The following LRRC63 variants were observed in gnomAD, a reference collection of about 807,000 sequenced individuals.
LRRC63 encodes the protein leucine-rich repeat-containing protein 63.
A neutral mutation model predicts 49.5 loss-of-function variants in LRRC63; 40 were observed. The observed-to-expected ratio is 0.81, with a 90% CI of 0.63 to 1.05. The LOEUF (loss-of-function observed/expected upper bound fraction) is 1.05. Among genes scored for constraint, LRRC63 ranks in the 50% least tolerant of loss-of-function variants. The pLI is 0.00. For missense variants in LRRC63, 636 were observed against 663.1 expected (o/e 0.96, Z 0.45); for synonymous variants, 191 against 221.1 (o/e 0.86, Z 1.21).
chr13:46,264,349 A>G (rs919386532), intron 8 of LRRC63, among the ~76,000 whole-genome samples: 5 of 152,148 alleles, frequency 3.3e-5, no homozygotes, highest in African/African-American at 4.8e-5. Flanking sequence ...TTTTCTTCCT[A>G]AAATGCCTAT....
intron 5 of LRRC63, among the ~76,000 whole-genome samples, chr13:46,245,734 A>G (rs529787362): frequency 2.0e-5 from 3 of 152,332 alleles, no homozygotes; most frequent in Admixed American, 2.0e-4. Flanking sequence ...GAAGTTTCAG[A>G]TAGATGCTAG....
At chr13:46,212,859 CTT>C in intron 1 of LRRC63, 141 bp from the exon 2 acceptor site, 2 of 501,444 alleles carry the variant, frequency 4.0e-6, no homozygotes, top group Non-Finnish European at 7.0e-6. Context: ...TTCTTACCCT[CTT>C]TTTTTTTCAT....
chr13:46,234,195 T>C (rs1340595265), exon 5 of LRRC63: 1 of 1,548,206 alleles, frequency 6.5e-7, no homozygotes, highest in Non-Finnish European at 8.7e-7. Context: ...TATTTAGGTC[T>C]CACCAAAACT....
chr13:46,215,383 A>G (rs2046219882), intron 2 of LRRC63, among the ~76,000 whole-genome samples: 1 of 151,922 alleles, frequency 6.6e-6, no homozygotes. Context: ...GCTTTTTTTC[A>G]TATGTTTGTT....
rs756606570 is a variant in LRRC63 at position 46,266,917 on chromosome 13, A to T, written c.1495A>T (p.Lys499Ter). The stretch of plus-strand genomic sequence containing the variant: ...TATTTCTTTGTTCATTGTCCAAAAT[A>T]AACTACATAAATTTTATGATAAGAT... The change falls in exon 9 of 10, where the codon AAA becomes TAA. Residue 499 changes from lysine (K) to a stop codon, truncating the protein, a stop_gained. Coordinates refer to ENST00000595396, the Ensembl canonical transcript of LRRC63. LOFTEE classifies it high-confidence loss of function. The T allele has an allele frequency of 2.1e-5, 33 of 1,547,964 alleles. No homozygotes were observed. The East Asian group carries it at 6.6e-4, about 31-fold the overall frequency.
At chr13:46,255,730 G>T (rs966614097) in intron 7 of LRRC63, among the ~76,000 whole-genome samples, 2 of 149,868 alleles carry the variant, frequency 1.3e-5, no homozygotes, top group Non-Finnish European at 3.0e-5. Flanking sequence ...AAATTTTTAG[G>T]TATAATTTAT....
chr13:46,236,244 G>C (rs2046901074), intron 5 of LRRC63, among the ~76,000 whole-genome samples: 1 of 151,516 alleles, frequency 6.6e-6, no homozygotes, highest in African/African-American at 2.4e-5. Context: ...GAGAGGAAAG[G>C]GCAGAAAAAG....
intron 5 of LRRC63, among the ~76,000 whole-genome samples, chr13:46,244,137 A>G (rs748774105): frequency 1.3e-5 from 2 of 152,238 alleles, no homozygotes; most frequent in Non-Finnish European, 2.9e-5. Context: ...AATACTGATT[A>G]TTTAAATAAA....
intron 4 of LRRC63, among the ~76,000 whole-genome samples, chr13:46,231,733 C>T (rs541705780): frequency 1.2e-4 from 18 of 151,674 alleles, no homozygotes; most frequent in East Asian, 1.2e-3. Context: ...TGGTCTCAAA[C>T]TCCCAACCTC....
chr13:46,259,323 G>GATGAA (rs141607950), intron 7 of LRRC63, among the ~76,000 whole-genome samples: 34,516 of 151,920 alleles, frequency 0.23, 4,618 homozygotes, highest in East Asian at 0.35. Flanking sequence ...AGGGAGGTGG[G>GATGAA]GTGAAGGACA....
chr13:46,269,223 A>C (rs1241543119), intron 9 of LRRC63, among the ~76,000 whole-genome samples: 5 of 151,674 alleles, frequency 3.3e-5, no homozygotes, highest in Admixed American at 2.6e-4. Flanking sequence ...AAAAAAAAAA[A>C]CCCTAACATA....
rs2046648965 is a variant in LRRC63 at position 46,228,650 on chromosome 13, T to C, written c.764-15T>C. On this transcript the variant is annotated splice_polypyrimidine_tract_variant and intron_variant, in intron 3 of 9. Transcript: ENST00000595396. ...AAATATCCAAAGTCATCCCATTTGT[T>C]TTTCATTTTTCTAGAAACTCTTGTA... is the stretch of plus-strand genomic sequence containing the variant. 1 of 1,498,260 alleles carries C rather than the reference T, an allele frequency of 6.7e-7. No homozygotes were observed. The highest frequency in any genetic ancestry group is 1.4e-5 in the African/African-American group (1 of 71,920). 92.8% of individuals were successfully genotyped at this position (1,498,260 alleles called of 1,614,324 possible).
At chr13:46,212,859 C>CTTTTTTTTTTTT in intron 1 of LRRC63, 143 bp from the exon 2 acceptor site, 1 of 501,448 alleles carries the variant, frequency 2.0e-6, no homozygotes, top group Middle Eastern at 5.2e-4. Flanking sequence ...TTCTTACCCT[C>CTTTTTTTTTTTT]TTTTTTTTTC....
intron 1 of LRRC63, among the ~76,000 whole-genome samples, chr13:46,212,665 T>C (rs2046126191): frequency 6.6e-6 from 1 of 152,244 alleles, no homozygotes; most frequent in Non-Finnish European, 1.5e-5. Flanking sequence ...TCATTTCGAC[T>C]ATTCTGAAAA....
chr13:46,255,117 C>A (rs1236908342), intron 7 of LRRC63, among the ~76,000 whole-genome samples: 1 of 150,598 alleles, frequency 6.6e-6, no homozygotes, highest in Non-Finnish European at 1.5e-5. Flanking sequence ...TATGCTACAA[C>A]AACAATGAGC....
At chr13:46,258,748 G>T (rs1429248579) in intron 7 of LRRC63, among the ~76,000 whole-genome samples, 1 of 144,920 alleles carries the variant, frequency 6.9e-6, no homozygotes, top group Non-Finnish European at 1.5e-5. Flanking sequence ...GTTGCAGGTT[G>T]CAGTGAGCCA....
intron 2 of LRRC63, among the ~76,000 whole-genome samples, chr13:46,222,691 C>G (rs1010331094): frequency 6.6e-6 from 1 of 151,778 alleles, no homozygotes; most frequent in South Asian, 2.1e-4. Context: ...TACCATTTGA[C>G]CCAGCCATCC....
chr13:46,232,741 TA>T lies in LRRC63; in HGVS notation c.833-1441del, dbSNP rs563071024. 6.8e-5 allele frequency among the ~76,000 whole-genome samples: 10 copies of T among 147,518 alleles called. No homozygotes were observed. In the East Asian group the frequency reaches 7.9e-4, roughly 12 times the overall value. On this transcript the variant is annotated intron_variant, in intron 4 of 9. Transcript: ENST00000595396. ...AAATTTAAAAAATTACAACACATTC[TA>T]AAAAAAAAATAAAATATCTGAAAAA... is the stretch of plus-strand genomic sequence containing the variant.
intron 9 of LRRC63, among the ~76,000 whole-genome samples, chr13:46,268,126 G>A (rs2047706576): frequency 6.6e-6 from 1 of 152,010 alleles, no homozygotes; most frequent in African/African-American, 2.4e-5. Flanking sequence ...CAAGGACCTA[G>A]GATATGAGTA....
Sources: gnomAD v4.1 joint callset for allele counts (sites outside exome capture counted in the v4.1 genomes callset) on GRCh38, gnomAD v4.1.1 for gene constraint, MANE v1.5 for transcripts, NCBI Gene and HGNC (gene_info 2026-07-23, HGNC 2026-07-21) for gene names.